The following NMNAT3 variants were observed in gnomAD, a reference collection of about 807,000 sequenced individuals.
The protein encoded by NMNAT3 is nicotinamide/nicotinic acid mononucleotide adenylyltransferase 3.
A neutral mutation model predicts 24.8 loss-of-function variants in NMNAT3; 21 were observed. The ratio of observed to expected loss-of-function variants is 0.85; its 90% confidence interval spans 0.60 to 1.22. NMNAT3 has a LOEUF of 1.22. Ranked by LOEUF, NMNAT3 falls within the 50% of genes most tolerant of loss-of-function variation. NMNAT3 has a pLI of 0.00. For synonymous variants in NMNAT3, 136 were observed against 155.2 expected, an observed-to-expected ratio of 0.88 and a Z score of 0.92; for missense variants, 387 against 436.6, an observed-to-expected ratio of 0.89 and a Z score of 1.01.
At chr3:139,659,060 A>G (rs1287242163) in intron 1 of NMNAT3, among the ~76,000 whole-genome samples, 1 of 152,188 alleles carries the variant, frequency 6.6e-6, no homozygotes, top group Non-Finnish European at 1.5e-5. Flanking sequence ...ACTCAGCACA[A>G]TGTTTCTGAG....
At chr3:139,580,994 A>G (rs1426824260) in intron 4 of NMNAT3, among the ~76,000 whole-genome samples, 1 of 152,206 alleles carries the variant, frequency 6.6e-6, no homozygotes, top group African/African-American at 2.4e-5. Context: ...ATTACATGTT[A>G]TTAATAATTA....
chr3:139,671,605 T>TTC (rs1215758839), intron 1 of NMNAT3, among the ~76,000 whole-genome samples: 47 of 143,438 alleles, frequency 3.3e-4, no homozygotes, highest in South Asian at 2.6e-3. Context: ...GTGGTATCCT[T>TTC]TCTCTCTCTC....
intron 5 of NMNAT3, chr3:139,576,177 G>A: frequency 2.0e-6 from 2 of 985,388 alleles, no homozygotes; most frequent in Non-Finnish European, 2.4e-6. Context: ...AAAAGATGGG[G>A]TGGATTTCTA....
At chr3:139,635,465 A>T (rs1172862927) in intron 2 of NMNAT3, 2 of 152,224 alleles carry the variant, frequency 1.3e-5, no homozygotes, top group African/African-American at 4.8e-5. Context: ...ATTCTGGTAG[A>T]AGTAAAATTT....
intron 6 of NMNAT3, chr3:139,570,181 T>C (rs962163786): frequency 6.6e-6 from 1 of 152,320 alleles, no homozygotes; most frequent in South Asian, 2.1e-4. Context: ...CGTGCCTTGG[T>C]TTTCAGCTCC....
At chr3:139,573,093 G>C (rs983961887) in intron 6 of NMNAT3, among the ~76,000 whole-genome samples, 6 of 152,098 alleles carry the variant, frequency 3.9e-5, no homozygotes, top group Admixed American at 3.9e-4. Flanking sequence ...AACACTTCCT[G>C]GCTTACACAT....
intron 1 of NMNAT3, among the ~76,000 whole-genome samples, chr3:139,640,164 A>G (rs2056650594): frequency 6.6e-6 from 1 of 152,174 alleles, no homozygotes; most frequent in Non-Finnish European, 1.5e-5. Context: ...GCTAGTAGAA[A>G]TGGTACCATG....
chr3:139,622,771 C>CATATATATGAT (rs1252552861), intron 3 of NMNAT3, among the ~76,000 whole-genome samples: 2,107 of 132,460 alleles, frequency 0.016, 26 homozygotes, highest in Admixed American at 0.02. Flanking sequence ...TCATATATAT[C>CATATATATGAT]ATATATATGA....
intron 1 of NMNAT3, among the ~76,000 whole-genome samples, chr3:139,644,224 A>C (rs2056799595): frequency 6.6e-6 from 1 of 152,208 alleles, no homozygotes; most frequent in South Asian, 2.1e-4. Flanking sequence ...GAAATAAAAG[A>C]ACACTAACAA....
chr3:139,583,798 G>A (rs1368915882), intron 3 of NMNAT3, among the ~76,000 whole-genome samples: 1 of 152,218 alleles, frequency 6.6e-6, no homozygotes, highest in African/African-American at 2.4e-5. Context: ...TGTGCACTGC[G>A]AGTCCTCGAA....
rs112548441 is a variant in NMNAT3 at position 139,658,472 on chromosome 3, G to T, written c.-141+19233C>A. On this transcript the variant is annotated intron_variant, in intron 1 of 6. Transcript: ENST00000643695. Reference sequence around the variant, plus strand: ...AAAAACTCAAAAGTGCAGACATGCAGATGAAGTACTTGTTTGTTTTGAATG... The same window carrying T: ...AAAAACTCAAAAGTGCAGACATGCATATGAAGTACTTGTTTGTTTTGAATG... 3.3e-5 allele frequency among the ~76,000 whole-genome samples: 5 copies of T among 152,204 alleles called. No homozygotes were observed. In the South Asian group the frequency reaches 1.0e-3, roughly 31 times the overall value.
chr3:139,604,965 A>G (rs1006092954), intron 3 of NMNAT3, among the ~76,000 whole-genome samples: 14 of 152,352 alleles, frequency 9.2e-5, no homozygotes, highest in African/African-American at 3.4e-4. Context: ...AATTCATGCC[A>G]GTAAGTATGC....
intron 3 of NMNAT3, among the ~76,000 whole-genome samples, chr3:139,611,563 C>T (rs368316316): frequency 7.9e-5 from 12 of 152,206 alleles, no homozygotes; most frequent in Non-Finnish European, 1.3e-4. Flanking sequence ...GGGGAGCATG[C>T]GCCCTCTGAA....
At chr3:139,592,395 G>A (rs2054238196) in intron 3 of NMNAT3, among the ~76,000 whole-genome samples, 1 of 152,152 alleles carries the variant, frequency 6.6e-6, no homozygotes, top group Non-Finnish European at 1.5e-5. Flanking sequence ...AAAACACTCT[G>A]CAGGATATTA....
chr3:139,571,969 A>G (rs192689), intron 6 of NMNAT3: 151,417 of 394,600 alleles, frequency 0.38, 31,902 homozygotes, highest in South Asian at 0.63. Flanking sequence ...CACTTATGCT[A>G]TCTCCTGCCC....
intron 1 of NMNAT3, among the ~76,000 whole-genome samples, chr3:139,648,128 TG>T (rs944932500): frequency 3.3e-5 from 5 of 152,104 alleles, no homozygotes; most frequent in Admixed American, 1.3e-4. Flanking sequence ...GAGTGGATCC[TG>T]GGGGGGTTTT....
chr3:139,658,184 G>T (rs58759675), intron 1 of NMNAT3, among the ~76,000 whole-genome samples: 2 of 151,936 alleles, frequency 1.3e-5, no homozygotes, highest in Non-Finnish European at 2.9e-5. Flanking sequence ...CTTCTACAGC[G>T]CTCCTTTCCC....
At chr3:139,657,016 AT>A (rs1232222095) in intron 1 of NMNAT3, among the ~76,000 whole-genome samples, 2 of 152,214 alleles carry the variant, frequency 1.3e-5, no homozygotes, top group Non-Finnish European at 2.9e-5. Context: ...TATCTTTAAT[AT>A]TTGCAGATAC....
At chr3:139,626,965 T>C (rs1166296137) in intron 3 of NMNAT3, among the ~76,000 whole-genome samples, 1 of 152,168 alleles carries the variant, frequency 6.6e-6, no homozygotes, top group Non-Finnish European at 1.5e-5. Flanking sequence ...ATTTCATATA[T>C]ACTCGATAGC....
Sources: gnomAD v4.1 joint callset for allele counts (sites outside exome capture counted in the v4.1 genomes callset) on GRCh38, gnomAD v4.1.1 for gene constraint, MANE v1.5 for transcripts, NCBI Gene and HGNC (gene_info 2026-07-23, HGNC 2026-07-21) for gene names.